Variants in RMND5A observed in about 807,000 individuals in gnomAD.
The protein encoded by RMND5A is required for meiotic nuclear division 5 homolog A.
Under a neutral mutation model 49.7 loss-of-function variants are expected in RMND5A, and 17 were observed. The ratio of observed to expected loss-of-function variants is 0.34; its 90% CI spans 0.23 to 0.51. RMND5A has a LOEUF of 0.51. Ranked by LOEUF, RMND5A falls within the 20% of genes least tolerant of loss-of-function variation. The pLI, the probability that RMND5A is intolerant of heterozygous loss-of-function variation, is 0.96. For missense variants in RMND5A, 255 were observed against 471.3 expected (o/e 0.54, Z 4.25); for synonymous variants, 156 against 167.7 (o/e 0.93, Z 0.54).
At chr2:86,769,906 C>T in intron 6 of RMND5A, 117 bp from the exon 7 acceptor site, 2 of 699,680 alleles carry the variant, frequency 2.9e-6, no homozygotes, top group East Asian at 2.5e-5. Flanking sequence ...AGAAAGCTCT[C>T]ACCCTGTCCA....
chr2:86,767,861 T>G (rs183407840), intron 6 of RMND5A, among the ~76,000 whole-genome samples: 1 of 152,334 alleles, frequency 6.6e-6, no homozygotes, highest in East Asian at 1.9e-4. Flanking sequence ...ATCAAAGTAG[T>G]ACTACACATA....
intron 2 of RMND5A, chr2:86,748,463 T>A (rs1267100278): frequency 6.6e-6 from 1 of 152,210 alleles, no homozygotes; most frequent in Admixed American, 6.5e-5. Context: ...GCAAATAAGT[T>A]ACGAGCTTGA....
chr2:86,771,636 A>G lies in RMND5A; in HGVS notation c.1036A>G (p.Asn346Asp), dbSNP rs1246136019. ...CPILRQQTTD[N>D]NPPMKLVCGH... Reference sequence around the variant, plus strand: ...CATTCTTCGTCAGCAAACAACAGATAACAATCCACCCATGAAATTGGTCTG... The same window carrying G: ...CATTCTTCGTCAGCAAACAACAGATGACAATCCACCCATGAAATTGGTCTG... Residue 346 changes from asparagine to aspartate, a missense_variant, in exon 8 of 9, where the codon AAC (asparagine) becomes GAC (aspartate). Asn to Asp is a conservative substitution (Grantham distance 23, BLOSUM62 1). Around this residue, in one of 3 missense-constraint regions of RMND5A, gnomAD observed 208 missense variants for 339.8 expected, o/e 0.61. Transcript: ENST00000283632. 3.1e-6 allele frequency: 5 copies of G among 1,613,914 alleles called. No individual in the cohort carries two copies. Among genetic ancestry groups the G allele is most frequent in the Non-Finnish European group, 4.2e-6 (5 of 1,179,856 alleles).
At chr2:86,755,111 A>G (rs1573438897) in intron 4 of RMND5A, among the ~76,000 whole-genome samples, 1 of 145,264 alleles carries the variant, frequency 6.9e-6, no homozygotes, top group Admixed American at 6.7e-5. Context: ...GGCAACAACT[A>G]CTTTTTTTTT....
intron 4 of RMND5A, among the ~76,000 whole-genome samples, chr2:86,761,945 G>A (rs115697636): frequency 0.014 from 2,193 of 152,132 alleles, 61 homozygotes; most frequent in African/African-American, 0.05. Flanking sequence ...GTTAAGTGGC[G>A]TACAGGTGTT....
intron 3 of RMND5A, among the ~76,000 whole-genome samples, chr2:86,752,734 C>T (rs970096297): frequency 5.3e-5 from 8 of 152,352 alleles, no homozygotes; most frequent in Middle Eastern, 3.4e-3. Context: ...TGTCTTCACA[C>T]TCCGTTCTAA....
At chr2:86,744,237 T>C (rs967744758) in intron 2 of RMND5A, among the ~76,000 whole-genome samples, 15 of 152,166 alleles carry the variant, frequency 9.9e-5, no homozygotes, top group Non-Finnish European at 1.9e-4. Context: ...GTAGGCTGTT[T>C]CACATAAGAC....
chr2:86,741,685 C>T (rs1681449444), intron 2 of RMND5A, among the ~76,000 whole-genome samples: 1 of 147,930 alleles, frequency 6.8e-6, no homozygotes, highest in African/African-American at 2.5e-5. Context: ...ATTTTTAGTA[C>T]CAGCTGATTT....
chr2:86,723,324 A>AT (rs542776172), intron 1 of RMND5A, among the ~76,000 whole-genome samples: 2,981 of 40,354 alleles, frequency 0.074, 836 homozygotes, highest in Non-Finnish European at 0.086. Context: ...TGAAACTTAA[A>AT]TATGCCCTTC....
intron 2 of RMND5A, among the ~76,000 whole-genome samples, chr2:86,747,943 C>T (rs1161644028): frequency 6.6e-6 from 1 of 152,192 alleles, no homozygotes; most frequent in Admixed American, 6.5e-5. Context: ...TCCGGATGGA[C>T]ACACCCTTGG....
chr2:86,752,098 G>T, intron 3 of RMND5A, 68 bp downstream of exon 3: 1 of 1,501,700 alleles, frequency 6.7e-7, no homozygotes, highest in Non-Finnish European at 9.1e-7. Context: ...TATAGTATTT[G>T]CAGGGTGGGG....
At position 86,758,326 on chromosome 2, in the gene RMND5A, A is replaced by T. The variant is rs535748788; in HGVS notation, c.521+4768A>T. Reference sequence around the variant, plus strand: ...CAGTGTTCTGCTTTTTACTTGAAAAATTTTGAAGTATTTGCCTATATCAGA... The same window carrying T: ...CAGTGTTCTGCTTTTTACTTGAAAATTTTTGAAGTATTTGCCTATATCAGA... On this transcript the variant is annotated intron_variant, in intron 4 of 8. Coordinates refer to ENST00000283632, the MANE Select transcript of RMND5A (RefSeq NM_022780.4). 2.8e-4 allele frequency among the ~76,000 whole-genome samples: 43 copies of T among 152,226 alleles called. No individual in the cohort carries two copies. The South Asian group carries it at 8.3e-3, about 29-fold the overall frequency.
At chr2:86,753,659 CT>C (rs1681678801) in intron 4 of RMND5A, 101 bp downstream of exon 4, 1 of 567,054 alleles carries the variant, frequency 1.8e-6, no homozygotes, top group Admixed American at 3.2e-5. Flanking sequence ...TTTATCTTAC[CT>C]GTGGTAGACT....
At chr2:86,751,821 CAA>C (rs1681638528) in intron 2 of RMND5A, 73 bp from the exon 3 acceptor site, 2 of 1,463,222 alleles carry the variant, frequency 1.4e-6, no homozygotes, top group East Asian at 2.3e-5. Flanking sequence ...CAGACTGAAA[CAA>C]AGACCATTTT....
At chr2:86,759,380 T>G (rs1573441194) in intron 4 of RMND5A, among the ~76,000 whole-genome samples, 1 of 152,198 alleles carries the variant, frequency 6.6e-6, no homozygotes, top group South Asian at 2.1e-4. Context: ...AGTAATATTG[T>G]TTTGGGGTTT....
At chr2:86,771,278 CTG>C (rs1432406566) in intron 7 of RMND5A, 11 of 303,934 alleles carry the variant, frequency 3.6e-5, no homozygotes, top group South Asian at 3.2e-4. Flanking sequence ...CACCTAAAGA[CTG>C]TGTGTCAAGC....
At chr2:86,772,168 G>A (rs547195281) in intron 8 of RMND5A, among the ~76,000 whole-genome samples, 9 of 152,298 alleles carry the variant, frequency 5.9e-5, no homozygotes, top group African/African-American at 9.6e-5. Flanking sequence ...GCTAAGTGAA[G>A]GCCAGGTGTG....
intron 4 of RMND5A, among the ~76,000 whole-genome samples, chr2:86,754,103 C>T (rs1681688801): frequency 6.6e-6 from 1 of 152,204 alleles, no homozygotes; most frequent in South Asian, 2.1e-4. Flanking sequence ...TATTCTAGAG[C>T]AGGGTCAGCA....
At chr2:86,769,778 A>T (rs958348038) in intron 6 of RMND5A, among the ~76,000 whole-genome samples, 2 of 151,746 alleles carry the variant, frequency 1.3e-5, no homozygotes, top group African/African-American at 4.8e-5. Context: ...TTTGTTTTTT[A>T]ACTGGGATTG....
Sources: gnomAD v4.1 joint callset for allele counts (sites outside exome capture counted in the v4.1 genomes callset) on GRCh38, gnomAD v4.1.1 for gene constraint, gnomAD v4.1.1 regional missense constraint, MANE v1.5 for transcripts, NCBI Gene and HGNC (gene_info 2026-07-23, HGNC 2026-07-21) for gene names.